The following ASPM variants were observed in gnomAD, a reference collection of about 807,000 sequenced individuals.
ASPM encodes abnormal spindle-like microcephaly-associated protein.
In ASPM, 256 loss-of-function variants were observed where a neutral mutation model predicts 366.4. The ratio of observed to expected loss-of-function variants is 0.70; its 90% CI spans 0.63 to 0.77. ASPM has a LOEUF of 0.77. ASPM is among the 30% of genes least tolerant of loss of function. The pLI is 0.00. For missense variants in ASPM, 4,146 were observed against 4,090.4 expected (o/e 1.01, Z -0.37); for synonymous variants, 1,414 against 1,342.9 (o/e 1.05, Z -1.16).
chr1:197,095,713 T>C (rs1219472353), intron 19 of ASPM, among the ~76,000 whole-genome samples: 1 of 151,616 alleles, frequency 6.6e-6, no homozygotes, highest in African/African-American at 2.4e-5. Flanking sequence ...TTTATTCACT[T>C]CCTACGTCTC....
intron 4 of ASPM, chr1:197,139,250 C>G (rs931170050): frequency 1.1e-6 from 1 of 936,812 alleles, no homozygotes; most frequent in African/African-American, 1.7e-5. Flanking sequence ...CTCTGACCAT[C>G]CTTTTACCAA....
At chr1:197,098,001 AATAT>A (rs10581454) in intron 18 of ASPM, among the ~76,000 whole-genome samples, 4 of 147,850 alleles carry the variant, frequency 2.7e-5, no homozygotes, top group East Asian at 4.0e-4. Flanking sequence ...TATATTTACA[AATAT>A]ATATATATAT....
intron 17 of ASPM, among the ~76,000 whole-genome samples, chr1:197,109,931 G>A (rs1193091149): frequency 6.6e-6 from 1 of 151,978 alleles, no homozygotes; most frequent in African/African-American, 2.4e-5. Context: ...ACAACTCAAA[G>A]ATCTAAATAA....
chr1:197,128,361 T>G, intron 10 of ASPM, 129 bp downstream of exon 10: 1 of 693,298 alleles, frequency 1.4e-6, no homozygotes, highest in Non-Finnish European at 2.3e-6. Context: ...AAAAAAAACC[T>G]CAATTTTTTT....
chr1:197,103,038 A>G lies in ASPM; in HGVS notation c.6213T>C (p.Ile2071=). The change falls in exon 18 of 28, where the codon ATT becomes ATC. Residue 2071 remains isoleucine, a synonymous_variant. Coordinates refer to ENST00000367409, the MANE Select transcript of ASPM (RefSeq NM_018136.5). The stretch of plus-strand genomic sequence containing the variant: ...TACCTCGATACCATCTCTGAATTAT[A>G]ATAGCTGAAGCTCTATAGGTTGCAT... ...KKYATYRASA[I]IIQRWYRGIK... 3.1e-6 allele frequency: 5 copies of G among 1,612,308 alleles called. No homozygotes were observed. Among genetic ancestry groups the G allele is most frequent in the Non-Finnish European group, 4.2e-6 (5 of 1,179,094 alleles).
At chr1:197,091,806 TA>T in intron 22 of ASPM, 100 bp downstream of exon 22, 2 of 1,252,726 alleles carry the variant, frequency 1.6e-6, no homozygotes, top group Admixed American at 3.7e-5. Flanking sequence ...CTAAATGTTG[TA>T]CGACCTTAGC....
intron 17 of ASPM, among the ~76,000 whole-genome samples, chr1:197,111,876 G>A (rs1209884634): frequency 1.3e-5 from 2 of 152,184 alleles, no homozygotes; most frequent in Non-Finnish European, 2.9e-5. Context: ...TGCTGGTGAG[G>A]TTGTAGAGAA....
Position 197,102,618 on chromosome 1 carries a change from CTTAT to C in ASPM, c.6629_6632del (p.Asn2210SerfsTer2). On this transcript the variant is annotated frameshift_variant, in exon 18 of 28. Coordinates refer to ENST00000367409, the MANE Select transcript of ASPM (RefSeq NM_018136.5). LOFTEE classifies it high-confidence loss of function. Reference sequence around the variant, plus strand: ...GTACTGTTTTTGTTATTTTCTTTAACTTATTAAAGTATGTTTGCTGTCTGTATCT... The same window carrying C: ...GTACTGTTTTTGTTATTTTCTTTAACTAAAGTATGTTTGCTGTCTGTATCT... 1 of 1,612,306 alleles carries C rather than the reference CTTAT, an allele frequency of 6.2e-7. No individual in the cohort carries two copies. Among genetic ancestry groups the C allele is most frequent in the Non-Finnish European group, 8.5e-7 (1 of 1,179,110 alleles).
In ASPM at chr1:197,104,462, G is replaced by C; in HGVS notation, c.4789C>G (p.Gln1597Glu). ...IKFQAHVRKH[Q>E]QRQKYKKMKK... ...ATCTTCTTATATTTCTGTCGTTGTTGATGTTTTCTTACATGTGCCTGAAAT... is the reference window on the plus strand; with the variant it reads ...ATCTTCTTATATTTCTGTCGTTGTTCATGTTTTCTTACATGTGCCTGAAAT... Residue 1597 changes from glutamine to glutamate, a missense_variant, in exon 18 of 28, where the codon CAA becomes GAA. By Grantham distance (29) the Gln-to-Glu change is conservative. This residue lies in a region of ASPM where 3,624 missense variants were observed against 3,591.7 expected (regional missense o/e 1.01). Transcript: ENST00000367409. 6.2e-7 allele frequency: 1 copy of C among 1,612,812 alleles called. No homozygotes were observed. The highest frequency in any genetic ancestry group is 8.5e-7 in the Non-Finnish European group (1 of 1,179,362).
Position 197,086,310 on chromosome 1 carries a change from A to G in ASPM, c.10331+493T>C, listed in dbSNP as rs116522706. 7.9e-3 allele frequency among the ~76,000 whole-genome samples: 1,208 copies of G among 152,040 alleles called. 15 individuals carry two copies. The highest frequency in any genetic ancestry group is 0.027 in the African/African-American group (1,141 of 41,502). ...GAGGGAGAAAGAAGGAAGGGAGTAA[A>G]AACACTAATTAAATGCCATGACGGT... On this transcript the variant is annotated intron_variant, in intron 27 of 27. Coordinates refer to ENST00000367409, the MANE Select transcript of ASPM (RefSeq NM_018136.5).
At chr1:197,106,771 G>A (rs944893927) in intron 17 of ASPM, among the ~76,000 whole-genome samples, 4 of 152,138 alleles carry the variant, frequency 2.6e-5, no homozygotes, top group African/African-American at 7.2e-5. Flanking sequence ...AATACATTAA[G>A]TTGGCATTGT....
In ASPM at chr1:197,104,758, A is replaced by T; in HGVS notation, c.4493T>A (p.Phe1498Tyr). The change falls in exon 18 of 28, where the codon TTT (phenylalanine) becomes TAT (tyrosine). Residue 1498 changes from phenylalanine (F) to tyrosine (Y), a missense_variant. Physicochemically the swap from Phe to Tyr is conservative, Grantham distance 22. Coordinates refer to ENST00000367409, the MANE Select transcript of ASPM (RefSeq NM_018136.5). ...RSCVVIIQKR[F>Y]RCFQAQKLYK... ...TAACTTTTGGGCTTGAAAGCACCGA[A>T]ATCTTTTCTGAATGATAACAACACA... 6.3e-7 allele frequency: 1 copy of T among 1,599,986 alleles called. No individual in the cohort carries two copies. Among genetic ancestry groups the T allele is most frequent in the Admixed American group, 1.7e-5 (1 of 57,558 alleles).
At chr1:197,107,933 T>C (rs1657460826) in intron 17 of ASPM, among the ~76,000 whole-genome samples, 1 of 152,076 alleles carries the variant, frequency 6.6e-6, no homozygotes, top group South Asian at 2.1e-4. Context: ...GACCATATTC[T>C]AAAAAACTCT....
chr1:197,101,836 A>G lies in ASPM; in HGVS notation c.7415T>C (p.Met2472Thr), dbSNP rs1284331186. 1.9e-6 allele frequency: 3 copies of G among 1,612,848 alleles called. No homozygotes were observed. The highest frequency in any genetic ancestry group is 2.2e-5 in the South Asian group (2 of 91,070). ...ITIQSSYRRL[M>T]VKKKLQEMQR... ...CATTTCTTGTAACTTCTTCTTTACC[A>G]TCAGTCTTCTGTAAGATGACTGTAT... Residue 2472 changes from methionine to threonine, a missense_variant, in exon 18 of 28, where the codon ATG becomes ACG. Met to Thr is a moderately conservative substitution (Grantham distance 81). Around this residue, in one of 3 missense-constraint regions of ASPM, gnomAD observed 3,624 missense variants for 3,591.7 expected, o/e 1.01. Coordinates refer to ENST00000367409, the MANE Select transcript of ASPM (RefSeq NM_018136.5).
At position 197,142,898 on chromosome 1, in the gene ASPM, C is replaced by G. The variant is rs1328888305; in HGVS notation, c.1354G>C (p.Glu452Gln). 6.2e-7 allele frequency: 1 copy of G among 1,613,766 alleles called. No homozygotes were observed. The highest frequency in any genetic ancestry group is 8.5e-7 in the Non-Finnish European group (1 of 1,179,746). ...QGSKSPKAIF[E>Q]ELVEMKSNYY... is the part of the protein sequence containing the mutation. ...TTTGACTTCATTTCTACTAGTTCTT[C>G]AAAAATAGCTTTGGGAGATTTTGAA... Residue 452 changes from glutamate to glutamine, a missense_variant, in exon 3 of 28, where the codon GAA becomes CAA. Transcript: ENST00000367409.
intron 19 of ASPM, among the ~76,000 whole-genome samples, 153 bp downstream of exon 19, chr1:197,095,845 T>C (rs560537769): frequency 5.3e-5 from 8 of 151,950 alleles, no homozygotes; most frequent in Admixed American, 3.9e-4. Context: ...GTATTTTGTT[T>C]CCTTAATAAA....
intron 17 of ASPM, among the ~76,000 whole-genome samples, chr1:197,116,436 A>T (rs2125101869): frequency 6.6e-6 from 1 of 152,318 alleles, no homozygotes; most frequent in Non-Finnish European, 1.5e-5. Context: ...ACTATGACAC[A>T]AACACAAAGT....
Position 197,117,554 on chromosome 1 carries a change from A to C in ASPM, c.4065+235T>G, listed in dbSNP as rs930572370. On this transcript the variant is annotated intron_variant, in intron 17 of 27. Coordinates refer to ENST00000367409, the MANE Select transcript of ASPM (RefSeq NM_018136.5). Reference sequence around the variant, plus strand: ...GCGTAGAAGACGCAACAAAGAAGAGAGCAACAGGTACAGAATTAGAATGTT... The same window carrying C: ...GCGTAGAAGACGCAACAAAGAAGAGCGCAACAGGTACAGAATTAGAATGTT... 8.5e-5 allele frequency among the ~76,000 whole-genome samples: 13 copies of C among 152,132 alleles called. 1 individual carries two copies. Among genetic ancestry groups the C allele is most frequent in the Admixed American group, 8.5e-4 (13 of 15,258 alleles).
At chr1:197,121,181 T>A (rs939314259) in intron 16 of ASPM, among the ~76,000 whole-genome samples, 2 of 152,224 alleles carry the variant, frequency 1.3e-5, no homozygotes, top group East Asian at 3.9e-4. Flanking sequence ...AGTTAGTAGA[T>A]GGAATAGGGT....
Sources: gnomAD v4.1 joint callset for allele counts (sites outside exome capture counted in the v4.1 genomes callset) on GRCh38, gnomAD v4.1.1 for gene constraint, gnomAD v4.1.1 regional missense constraint, MANE v1.5 for transcripts, NCBI Gene and HGNC (gene_info 2026-07-23, HGNC 2026-07-21) for gene names.